Variants in MTMR10 observed in about 807,000 individuals in gnomAD.
The protein encoded by MTMR10 is myotubularin-related protein 10.
Under a neutral mutation model 88.1 loss-of-function variants are expected in MTMR10, and 56 were observed. That is an observed-to-expected ratio of 0.64 (90% CI 0.51 to 0.79). The LOEUF (loss-of-function observed/expected upper bound fraction) is 0.79, where lower values mean the gene tolerates loss of function less well. MTMR10 is among the 30% of genes least tolerant of loss of function. MTMR10 has a pLI of 0.00. For missense variants in MTMR10, 883 were observed against 924.7 expected (o/e 0.95, Z 0.58); for synonymous variants, 380 against 340.9 (o/e 1.11, Z -1.26).
Position 30,963,158 on chromosome 15 carries a change from G to A in MTMR10, c.566-2085C>T, listed in dbSNP as rs566663400. 2.6e-5 allele frequency among the ~76,000 whole-genome samples: 4 copies of A among 152,256 alleles called. No individual in the cohort carries two copies. The East Asian group carries it at 7.7e-4, about 29-fold the overall frequency. On this transcript the variant is annotated intron_variant, in intron 6 of 15. Coordinates refer to ENST00000435680, the MANE Select transcript of MTMR10 (RefSeq NM_017762.3). Reference sequence around the variant, plus strand: ...AAATTAAAAATTCAGTCCATCAGTTGCACTAGCCACATTTCAAGTACTTAA... The same window carrying A: ...AAATTAAAAATTCAGTCCATCAGTTACACTAGCCACATTTCAAGTACTTAA...
chr15:30,939,780 C>T lies in MTMR10; in HGVS notation c.*1690G>A, dbSNP rs866908155. 4.0e-5 allele frequency: 39 copies of T among 985,054 alleles called. No homozygotes were observed. The highest frequency in any genetic ancestry group is 1.0e-3 in the Middle Eastern group (2 of 1,936). The allele number at this position is 985,054 out of a possible 1,614,324, so 61.0% of individuals were successfully genotyped here. A position where few individuals can be genotyped will look rare whatever the true frequency, so the allele number is the denominator to read the frequency against. Reference sequence around the variant, plus strand: ...TGATTACACTGTCAATGGCAGGATACGCTGTGGTGTTATAAGGAGATTGGG... The same window carrying T: ...TGATTACACTGTCAATGGCAGGATATGCTGTGGTGTTATAAGGAGATTGGG... On this transcript the variant is annotated 3_prime_UTR_variant, in exon 16 of 16. Transcript: ENST00000435680.
chr15:30,958,777 T>C (rs2063360686), intron 9 of MTMR10, 86 bp downstream of exon 9: 1 of 1,381,170 alleles, frequency 7.2e-7, no homozygotes, highest in African/African-American at 1.4e-5. Context: ...GACTATGCAT[T>C]TTGTTATTTT....
chr15:30,949,917 T>G (rs1219588509), intron 12 of MTMR10: 1 of 152,126 alleles, frequency 6.6e-6, no homozygotes, highest in Non-Finnish European at 1.5e-5. Flanking sequence ...AAAGGGAAAA[T>G]CTAGAGACAG....
chr15:30,957,220 A>G (rs1320243175), intron 9 of MTMR10, among the ~76,000 whole-genome samples: 2 of 152,234 alleles, frequency 1.3e-5, no homozygotes, highest in African/African-American at 2.4e-5. Flanking sequence ...TGCTAAATAT[A>G]TAACGGTGTG....
intron 2 of MTMR10, among the ~76,000 whole-genome samples, chr15:30,985,112 A>G (rs926285047): frequency 2.9e-4 from 44 of 152,216 alleles, no homozygotes; most frequent in Non-Finnish European, 5.4e-4. Flanking sequence ...AAAAAAGAGC[A>G]TGCCCTGGGG....
At chr15:30,955,418 C>G (rs914888688) in intron 9 of MTMR10, among the ~76,000 whole-genome samples, 3 of 152,162 alleles carry the variant, frequency 2.0e-5, no homozygotes, top group Non-Finnish European at 2.9e-5. Flanking sequence ...TTACAGGCAC[C>G]CGCCACCACA....
At chr15:30,929,988 GAT>G in the MTMR10 span, among the ~76,000 whole-genome samples, 2 of 114,700 alleles carry the variant, frequency 1.7e-5, no homozygotes, top group South Asian at 2.5e-4. Context: ...TAATATATAA[GAT>G]ATCATATATA....
chr15:30,987,735 GT>G (rs2031036499), intron 2 of MTMR10, among the ~76,000 whole-genome samples: 1 of 151,400 alleles, frequency 6.6e-6, no homozygotes, highest in Admixed American at 6.6e-5. Context: ...GAATGTGCAG[GT>G]TTGTTACATA....
chr15:30,981,691 G>A (rs1380962212), intron 2 of MTMR10, among the ~76,000 whole-genome samples: 1 of 152,142 alleles, frequency 6.6e-6, no homozygotes, highest in African/African-American at 2.4e-5. Context: ...CTAGGGGGTG[G>A]TTTGTTAGAA....
In MTMR10 at chr15:30,940,608, T is replaced by C; in HGVS notation, c.*862A>G. 1.0e-6 allele frequency: 1 copy of C among 985,478 alleles called. No homozygotes were observed. Among genetic ancestry groups the C allele is most frequent in the Non-Finnish European group, 1.2e-6 (1 of 830,044 alleles). The allele number at this position is 985,478 out of a possible 1,614,324, so 61.0% of individuals were successfully genotyped here. On this transcript the variant is annotated 3_prime_UTR_variant, in exon 16 of 16. Transcript: ENST00000435680. ...TTTTGAGGGCGAGTTTTGGCATAGA[T>C]GGCACTCTCCTGTCTACAGCATACA...
chr15:30,939,467 GT>G lies in MTMR10; in HGVS notation c.*2002del. 3.0e-6 allele frequency: 3 copies of G among 985,416 alleles called. No individual in the cohort carries two copies. Among genetic ancestry groups the G allele is most frequent in the Non-Finnish European group, 3.6e-6 (3 of 829,922 alleles). The allele number at this position is 985,416 out of a possible 1,614,324, so 61.0% of individuals were successfully genotyped here. A position where few individuals can be genotyped will look rare whatever the true frequency, so the allele number is the denominator to read the frequency against. On this transcript the variant is annotated 3_prime_UTR_variant, in exon 16 of 16. Coordinates refer to ENST00000435680, the MANE Select transcript of MTMR10 (RefSeq NM_017762.3). ...CCTGGCCCGACTGAAGGCTGTCATA[GT>G]TGTTTTTCATATTATGCACAATAAA...
chr15:30,950,167 G>A (rs2063223943), intron 12 of MTMR10: 1 of 152,168 alleles, frequency 6.6e-6, no homozygotes, highest in African/African-American at 2.4e-5. Context: ...TGGAGGATGA[G>A]TAGGGTTCTC....
At chr15:30,920,790 G>C in the MTMR10 span, 27 of 569,920 alleles carry the variant, frequency 4.7e-5, no homozygotes, top group African/African-American at 4.9e-4. Context: ...TATTTGTTTT[G>C]TTTTGTCTTT....
chr15:30,957,200 G>A (rs1418593905), intron 9 of MTMR10, among the ~76,000 whole-genome samples: 1 of 152,100 alleles, frequency 6.6e-6, no homozygotes, highest in Non-Finnish European at 1.5e-5. Context: ...TATCATATAT[G>A]CTTCCTGGGT....
the MTMR10 span, chr15:30,929,443 C>G: frequency 6.8e-7 from 1 of 1,465,396 alleles, no homozygotes; most frequent in South Asian, 1.3e-5. Flanking sequence ...AAGTTAACAC[C>G]GCCCCAGTGC....
intron 6 of MTMR10, among the ~76,000 whole-genome samples, chr15:30,962,554 T>C (rs2063416609): frequency 6.6e-6 from 1 of 151,722 alleles, no homozygotes. Context: ...TCACGTAACT[T>C]ATCTGACCTT....
At chr15:30,987,798 G>C (rs116909211) in intron 2 of MTMR10, among the ~76,000 whole-genome samples, 8,236 of 151,802 alleles carry the variant, frequency 0.054, 322 homozygotes, top group Admixed American at 0.13. Context: ...CGTCATCTAG[G>C]GATGACGCCG....
Position 30,954,842 on chromosome 15 carries a change from T to A in MTMR10, c.987A>T (p.Lys329Asn). 6.3e-7 allele frequency: 1 copy of A among 1,582,026 alleles called. No individual in the cohort carries two copies. Among genetic ancestry groups the A allele is most frequent in the Middle Eastern group, 1.7e-4 (1 of 6,010 alleles). The change falls in exon 10 of 16, where the codon AAA (lysine) becomes AAT (asparagine). Residue 329 changes from lysine (K) to asparagine (N), a missense_variant. Transcript: ENST00000435680. ...TAGGCAAGGTCTTATCCAAATCTGA[T>A]TTGTAAACATCACTTCTCTGTGGGT... ...KSHPQRSDVY[K>N]SDLDKTLPNI...
intron 3 of MTMR10, among the ~76,000 whole-genome samples, chr15:30,975,625 C>T (rs2030071808): frequency 6.6e-6 from 1 of 152,148 alleles, no homozygotes; most frequent in African/African-American, 2.4e-5. Flanking sequence ...AAGCTACTGT[C>T]CCTACACAGT....
Sources: allele counts gnomAD v4.1 joint callset (sites outside exome capture counted in the v4.1 genomes callset), GRCh38; gene constraint gnomAD v4.1.1; transcripts MANE v1.5; gene names NCBI Gene and HGNC (gene_info 2026-07-23, HGNC 2026-07-21).